SLC13A3: variants seen among roughly 807,000 people sequenced by gnomAD.
The protein encoded by SLC13A3 is Na(+)/dicarboxylate cotransporter 3.
SLC13A3 carries 40 observed loss-of-function variants against 59.0 expected under a neutral mutation model. That is an observed-to-expected ratio of 0.68 (90% confidence interval 0.53 to 0.88). The LOEUF is 0.88. SLC13A3 is among the 40% of genes least tolerant of loss of function. The pLI is 0.00. For missense variants in SLC13A3, 699 were observed against 783.2 expected (o/e 0.89, Z 1.28); for synonymous variants, 317 against 330.3 (o/e 0.96, Z 0.44).
chr20:46,618,772 A>G (rs1049193718), intron 1 of SLC13A3, among the ~76,000 whole-genome samples: 1 of 152,214 alleles, frequency 6.6e-6, no homozygotes, highest in Non-Finnish European at 1.5e-5. Flanking sequence ...ATAGTAGCCC[A>G]AATGGACTAA....
intron 5 of SLC13A3, among the ~76,000 whole-genome samples, chr20:46,593,792 A>G (rs913682928): frequency 1.3e-5 from 2 of 152,208 alleles, no homozygotes; most frequent in African/African-American, 4.8e-5. Flanking sequence ...ATCAGACTAT[A>G]AAACTGTATT....
intron 4 of SLC13A3, 103 bp downstream of exon 4, chr20:46,599,868 A>T (rs2065309916): frequency 1.2e-6 from 1 of 849,384 alleles, no homozygotes. Context: ...CATTTGGAGA[A>T]AAATTCAGGG....
chr20:46,566,164 G>C (rs377048596), intron 11 of SLC13A3, 65 bp downstream of exon 11: 3 of 1,400,654 alleles, frequency 2.1e-6, no homozygotes, highest in Non-Finnish European at 2.0e-6. Flanking sequence ...GTCCCTTGGC[G>C]GGGGAAGATT....
upstream of SLC13A3, among the ~76,000 whole-genome samples, chr20:46,671,301 T>A (rs2122931823): frequency 6.6e-6 from 1 of 152,300 alleles, no homozygotes; most frequent in Non-Finnish European, 1.5e-5. Flanking sequence ...AGAGCACTCA[T>A]GCAATTGGTC....
At chr20:46,633,887 G>A (rs571222210) in intron 1 of SLC13A3, among the ~76,000 whole-genome samples, 3 of 152,358 alleles carry the variant, frequency 2.0e-5, no homozygotes, top group African/African-American at 7.2e-5. Flanking sequence ...GCTCGCCTGT[G>A]TGTCCCAGTG....
intron 1 of SLC13A3, among the ~76,000 whole-genome samples, chr20:46,641,609 G>C (rs1338700803): frequency 6.6e-6 from 1 of 152,160 alleles, no homozygotes; most frequent in Non-Finnish European, 1.5e-5. Context: ...ATGGTCCAGG[G>C]AAGCAAGTGC....
chr20:46,578,184 C>T (rs917277215), intron 9 of SLC13A3, among the ~76,000 whole-genome samples: 1 of 151,716 alleles, frequency 6.6e-6, no homozygotes, highest in South Asian at 2.1e-4. Flanking sequence ...CCCGCCTCGG[C>T]CTCCCAAAGT....
chr20:46,642,221 C>G (rs1229382383), intron 1 of SLC13A3, among the ~76,000 whole-genome samples: 1 of 152,180 alleles, frequency 6.6e-6, no homozygotes, highest in Admixed American at 6.5e-5. Flanking sequence ...CCAAATAAAA[C>G]AAATTCCATT....
chr20:46,652,204 T>C (rs1305768395), upstream of SLC13A3, among the ~76,000 whole-genome samples: 2 of 152,188 alleles, frequency 1.3e-5, no homozygotes, highest in Non-Finnish European at 2.9e-5. Flanking sequence ...AGTTTACCTA[T>C]ACAACAAATC....
At chr20:46,592,277 A>G (rs1411215708) in intron 6 of SLC13A3, 127 bp downstream of exon 6, 2 of 1,202,706 alleles carry the variant, frequency 1.7e-6, no homozygotes, top group South Asian at 2.9e-5. Context: ...ACATACATAC[A>G]TAAAAGAAAG....
chr20:46,570,528 A>G (rs542679839), intron 10 of SLC13A3, among the ~76,000 whole-genome samples: 29 of 152,338 alleles, frequency 1.9e-4, no homozygotes, highest in African/African-American at 6.7e-4. Context: ...GGGCAAAATC[A>G]TCTGGCAATG....
chr20:46,593,431 A>C (rs1486376284), intron 5 of SLC13A3, among the ~76,000 whole-genome samples: 1 of 152,208 alleles, frequency 6.6e-6, no homozygotes, highest in Non-Finnish European at 1.5e-5. Context: ...GGACATTTCT[A>C]GGTAAATAAT....
At chr20:46,560,333 C>A in intron 12 of SLC13A3, 135 bp from the exon 13 acceptor site, 1 of 745,094 alleles carries the variant, frequency 1.3e-6, no homozygotes, top group African/African-American at 1.7e-5. Flanking sequence ...GACACAGACC[C>A]AGGTCGGTAA....
chr20:46,670,841 G>C (rs2063087211), upstream of SLC13A3, among the ~76,000 whole-genome samples: 1 of 152,050 alleles, frequency 6.6e-6, no homozygotes, highest in South Asian at 2.1e-4. Context: ...AAAATGAAAG[G>C]TACACACTAA....
rs552536945 is a variant in SLC13A3 at position 46,577,439 on chromosome 20, G to T, written c.1220-1754C>A. ...GACATGGCAGGTGGCCCAGCCCTATGCCTTCAGATGATAAAATGTCGTTTC... is the reference window on the plus strand; with the variant it reads ...GACATGGCAGGTGGCCCAGCCCTATTCCTTCAGATGATAAAATGTCGTTTC... On this transcript the variant is annotated intron_variant, in intron 9 of 12. Transcript: ENST00000279027. Among the ~76,000 whole-genome samples the T allele has an allele frequency of 2.8e-4, 43 of 152,338 alleles. No individual in the cohort carries two copies. The South Asian group carries it at 8.7e-3, about 31-fold the overall frequency.
At chr20:46,622,676 C>T (rs930205618) in intron 1 of SLC13A3, among the ~76,000 whole-genome samples, 93 of 148,324 alleles carry the variant, frequency 6.3e-4, no homozygotes, top group African/African-American at 2.2e-3. Context: ...GTGTCTGATA[C>T]TCATGAATAG....
intron 9 of SLC13A3, among the ~76,000 whole-genome samples, chr20:46,577,741 A>G (rs2062093494): frequency 6.6e-6 from 1 of 152,200 alleles, no homozygotes; most frequent in Non-Finnish European, 1.5e-5. Flanking sequence ...GCTCAACCTG[A>G]TACCAGCCGA....
intron 1 of SLC13A3, among the ~76,000 whole-genome samples, chr20:46,665,509 T>C (rs2063058127): frequency 6.6e-6 from 1 of 152,240 alleles, no homozygotes. Context: ...GTGGTCCTTT[T>C]GTGTCTGGCT....
At position 46,627,056 on chromosome 20, in the gene SLC13A3, AT is replaced by A. The variant is rs543947860; in HGVS notation, c.112-13332del. 6.6e-5 allele frequency among the ~76,000 whole-genome samples: 10 copies of A among 152,244 alleles called. No homozygotes were observed. In the South Asian group the frequency reaches 1.9e-3, roughly 28 times the overall value. On this transcript the variant is annotated intron_variant, in intron 1 of 12. Coordinates refer to ENST00000279027, the MANE Select transcript of SLC13A3 (RefSeq NM_022829.6). ...AGCCACTTATCACTAGCTGAAGTTT[AT>A]TTTTTGTTCATTCACTTATTATCTC...
Sources: gnomAD v4.1 joint callset for allele counts (sites outside exome capture counted in the v4.1 genomes callset) on GRCh38, gnomAD v4.1.1 for gene constraint, MANE v1.5 for transcripts, NCBI Gene and HGNC (gene_info 2026-07-23, HGNC 2026-07-21) for gene names.